Variants in PTPRT observed in about 807,000 individuals in gnomAD.
PTPRT encodes the protein protein tyrosine phosphatase receptor type T, also known as receptor-type tyrosine-protein phosphatase T.
PTPRT carries 56 observed loss-of-function variants against 176.8 expected under a neutral mutation model. The ratio of observed to expected loss-of-function variants is 0.32; its 90% CI spans 0.26 to 0.40. PTPRT has a LOEUF of 0.40. Ranked by LOEUF, PTPRT falls within the 10% of genes least tolerant of loss-of-function variation. The pLI is 1.00. For missense variants in PTPRT, 1,540 were observed against 1,908.2 expected (o/e 0.81, Z 3.60); for synonymous variants, 783 against 739.0 (o/e 1.06, Z -0.96).
intron 1 of PTPRT, among the ~76,000 whole-genome samples, chr20:43,167,054 C>G (rs901563154): frequency 2.0e-5 from 3 of 152,150 alleles, no homozygotes; most frequent in African/African-American, 7.2e-5. Context: ...CAGCCTAGCT[C>G]CAGCTAACCA....
chr20:42,296,919 T>C (rs1326697889), intron 12 of PTPRT, among the ~76,000 whole-genome samples: 4 of 152,134 alleles, frequency 2.6e-5, no homozygotes, highest in Non-Finnish European at 4.4e-5. Flanking sequence ...TGTATCAAAA[T>C]GTCTCATTTA....
chr20:43,069,952 GC>G (rs2011158664), intron 1 of PTPRT, among the ~76,000 whole-genome samples: 1 of 152,184 alleles, frequency 6.6e-6, no homozygotes, highest in Non-Finnish European at 1.5e-5. Flanking sequence ...TAAGGCAGGT[GC>G]TTCAAGCTAA....
At chr20:42,280,902 C>T (rs191368598) in intron 13 of PTPRT, among the ~76,000 whole-genome samples, 60 of 152,200 alleles carry the variant, frequency 3.9e-4, no homozygotes, top group Admixed American at 3.6e-3. Flanking sequence ...AGCCAGCTAC[C>T]CTCTAATAGA....
At chr20:42,122,523 G>T (rs4281967) in intron 19 of PTPRT, among the ~76,000 whole-genome samples, 35,488 of 152,016 alleles carry the variant, frequency 0.23, 4,515 homozygotes, top group Non-Finnish European at 0.28. Flanking sequence ...CCCAAGGGTT[G>T]TCTTGAGTAG....
chr20:42,690,890 G>GT (rs1449904911), intron 6 of PTPRT, among the ~76,000 whole-genome samples: 3 of 152,164 alleles, frequency 2.0e-5, no homozygotes, highest in Non-Finnish European at 4.4e-5. Flanking sequence ...AAGATCAAGT[G>GT]TAAGTGCCTG....
At chr20:42,151,104 T>A (rs2146457586) in intron 17 of PTPRT, among the ~76,000 whole-genome samples, 2 of 150,882 alleles carry the variant, frequency 1.3e-5, no homozygotes, top group South Asian at 2.1e-4. Context: ...TCTCTTGCCA[T>A]CTTCAGTCAA....
At chr20:42,303,163 T>A (rs1047200030) in intron 12 of PTPRT, among the ~76,000 whole-genome samples, 3 of 152,220 alleles carry the variant, frequency 2.0e-5, no homozygotes, top group Admixed American at 1.3e-4. Context: ...GCAGCTCTTA[T>A]CTGACCTTAA....
At chr20:43,159,142 G>A (rs2014612579) in intron 1 of PTPRT, among the ~76,000 whole-genome samples, 1 of 152,178 alleles carries the variant, frequency 6.6e-6, no homozygotes. Context: ...TCAGCAAATA[G>A]AGCTGAACTC....
Position 42,681,832 on chromosome 20 carries a change from C to T in PTPRT, c.860-3673G>A, listed in dbSNP as rs537116206. Among the ~76,000 whole-genome samples the T allele has an allele frequency of 2.0e-5, 3 of 152,326 alleles. No individual in the cohort carries two copies. The East Asian group carries it at 5.8e-4, about 29-fold the overall frequency. ...GGATCCATAAAGGGATACACATATA[C>T]ACAATGGAACGCTGCTCAGCAAGAA... On this transcript the variant is annotated intron_variant, in intron 6 of 30. Coordinates refer to ENST00000373187, the MANE Select transcript of PTPRT (RefSeq NM_007050.6).
At chr20:42,873,197 T>C (rs2078874277) in intron 2 of PTPRT, among the ~76,000 whole-genome samples, 1 of 152,172 alleles carries the variant, frequency 6.6e-6, no homozygotes, top group Non-Finnish European at 1.5e-5. Flanking sequence ...CTGGGAGTCA[T>C]CAGTGGGTGC....
chr20:42,403,741 T>G (rs1044237620), intron 9 of PTPRT, among the ~76,000 whole-genome samples: 1 of 152,114 alleles, frequency 6.6e-6, no homozygotes, highest in African/African-American at 2.4e-5. Context: ...CTTTCTCACC[T>G]CCACTCTTCT....
chr20:42,743,087 G>C (rs567376602), intron 6 of PTPRT, among the ~76,000 whole-genome samples: 20 of 152,256 alleles, frequency 1.3e-4, no homozygotes, highest in African/African-American at 4.6e-4. Context: ...AACTCAAAGA[G>C]GAGGCTTTCC....
chr20:42,504,768 T>G (rs2071815142), intron 7 of PTPRT, among the ~76,000 whole-genome samples: 1 of 152,214 alleles, frequency 6.6e-6, no homozygotes, highest in Non-Finnish European at 1.5e-5. Flanking sequence ...GAAAATTCTT[T>G]CTCACATCTT....
intron 5 of PTPRT, among the ~76,000 whole-genome samples, chr20:42,766,547 G>A (rs1430634300): frequency 6.6e-6 from 1 of 152,152 alleles, no homozygotes; most frequent in Non-Finnish European, 1.5e-5. Context: ...AGTTTCCAGA[G>A]GGGTGCAAAA....
At chr20:42,771,265 C>A (rs1012541852) in intron 5 of PTPRT, among the ~76,000 whole-genome samples, 170 bp downstream of exon 5, 4 of 152,206 alleles carry the variant, frequency 2.6e-5, no homozygotes, top group Non-Finnish European at 4.4e-5. Context: ...CCCGCCTGGA[C>A]CTATAATTAC....
intron 13 of PTPRT, among the ~76,000 whole-genome samples, chr20:42,259,239 C>T (rs1287157088): frequency 2.0e-5 from 3 of 152,130 alleles, no homozygotes. Context: ...GTTACACACA[C>T]CAGGAAAGAC....
In PTPRT at chr20:43,042,842, G is replaced by A. The variant is rs544417943; in HGVS notation, c.88+146804C>T. Among the ~76,000 whole-genome samples the A allele has an allele frequency of 8.0e-5, 12 of 150,730 alleles. No individual in the cohort carries two copies. In the South Asian group the frequency reaches 2.5e-3, roughly 32 times the overall value. On this transcript the variant is annotated intron_variant, in intron 1 of 30. Coordinates refer to ENST00000373187, the MANE Select transcript of PTPRT (RefSeq NM_007050.6). ...TTATGCCACTCTCTCCTTCCAATTT[G>A]AGCTTCTGGCATCTCAGATCATCTC...
rs1279648664 is a variant in PTPRT, at chr20:43,101,584, T to C, written c.88+88062A>G. On this transcript the variant is annotated intron_variant, in intron 1 of 30. Transcript: ENST00000373187. ...TCAATACAGCATAACTAGCATCATG[T>C]TACTCTTGTCAAATATTTTGTCTAA... Among the ~76,000 whole-genome samples the C allele has an allele frequency of 3.3e-5, 5 of 151,248 alleles. No homozygotes were observed. In the East Asian group the frequency reaches 9.7e-4, roughly 29 times the overall value.
chr20:42,715,618 C>T (rs974860783), intron 6 of PTPRT, among the ~76,000 whole-genome samples: 4 of 152,090 alleles, frequency 2.6e-5, no homozygotes, highest in African/African-American at 9.7e-5. Flanking sequence ...ACAATGGATA[C>T]ATATACACAA....
Sources: allele counts gnomAD v4.1 joint callset (sites outside exome capture counted in the v4.1 genomes callset), GRCh38; gene constraint gnomAD v4.1.1; transcripts MANE v1.5; gene names NCBI Gene and HGNC (gene_info 2026-07-23, HGNC 2026-07-21).